ZC3H18: variants seen among roughly 807,000 people sequenced by gnomAD.
ZC3H18 encodes the protein zinc finger CCCH-type containing 18.
In ZC3H18, 8 loss-of-function variants were observed where a neutral mutation model predicts 106.1. That is an observed-to-expected ratio of 0.08 (90% CI 0.04 to 0.14). The LOEUF (loss-of-function observed/expected upper bound fraction) is 0.14, where lower values mean the gene tolerates loss of function less well. ZC3H18 is among the 10% of genes least tolerant of loss of function. ZC3H18 has a pLI of 1.00. For synonymous variants in ZC3H18, 635 were observed against 522.1 expected, an observed-to-expected ratio of 1.22 and a Z score of -2.95; for missense variants, 1,318 against 1,278.4, an observed-to-expected ratio of 1.03 and a Z score of -0.47.
intron 2 of ZC3H18, among the ~76,000 whole-genome samples, chr16:88,585,974 G>A (rs1053900130): frequency 2.0e-5 from 3 of 152,110 alleles, no homozygotes; most frequent in South Asian, 2.1e-4. Flanking sequence ...CTGCACGTCC[G>A]TGGGAACAGG....
At chr16:88,602,076 A>G (rs1465317596) in intron 6 of ZC3H18, among the ~76,000 whole-genome samples, 3 of 152,232 alleles carry the variant, frequency 2.0e-5, no homozygotes, top group African/African-American at 7.2e-5. Context: ...GCTGCACTGC[A>G]AGTGCAGATG....
chr16:88,577,060 T>G, intron 1 of ZC3H18, 50 bp from the exon 2 acceptor site: 2 of 1,499,086 alleles, frequency 1.3e-6, no homozygotes, highest in Non-Finnish European at 1.8e-6. Flanking sequence ...GGGACAAGGT[T>G]TGTTTTCCAT....
chr16:88,580,291 C>T (rs963462255), intron 2 of ZC3H18, among the ~76,000 whole-genome samples: 5 of 151,868 alleles, frequency 3.3e-5, no homozygotes, highest in African/African-American at 9.7e-5. Context: ...GCTGGTTCCC[C>T]TATCTCCCTG....
chr16:88,587,051 G>C (rs1023839783), intron 3 of ZC3H18, among the ~76,000 whole-genome samples: 3 of 152,194 alleles, frequency 2.0e-5, no homozygotes, highest in African/African-American at 7.2e-5. Context: ...ACCAGAATTA[G>C]CATTTTCCCC....
chr16:88,571,882 A>G (rs562236476), intron 1 of ZC3H18, among the ~76,000 whole-genome samples: 61 of 152,366 alleles, frequency 4.0e-4, no homozygotes, highest in African/African-American at 1.3e-3. Context: ...CAGATGTACC[A>G]GAACTTAGGC....
intron 6 of ZC3H18, among the ~76,000 whole-genome samples, chr16:88,602,502 G>A (rs1282591146): frequency 2.0e-5 from 3 of 152,204 alleles, no homozygotes; most frequent in Non-Finnish European, 2.9e-5. Context: ...TTCTTAGCTC[G>A]ACCCCAGGAA....
At position 88,577,228 on chromosome 16, in the gene ZC3H18, T is replaced by A. The variant is rs1914810157; in HGVS notation, c.105T>A (p.Asp35Glu). The A allele has an allele frequency of 6.2e-7, 1 of 1,612,662 alleles. No homozygotes were observed. Among genetic ancestry groups the A allele is most frequent in the Admixed American group, 1.7e-5 (1 of 59,774 alleles). Residue 35 changes from aspartate to glutamate, a missense_variant, in exon 2 of 18, where the codon GAT becomes GAA. Physicochemically the swap from Asp to Glu is conservative, Grantham distance 45 (BLOSUM62 2). Transcript: ENST00000301011. Reference sequence around the variant, plus strand: ...ACATTCTGAGGGACAGCGGGTCCGATCAGGATTTGGACGGGGCGGGGGTGA... The same window carrying A: ...ACATTCTGAGGGACAGCGGGTCCGAACAGGATTTGGACGGGGCGGGGGTGA... Reference protein sequence around the residue: ...DDDILRDSGSDQDLDGAGVRA... With the variant: ...DDDILRDSGSEQDLDGAGVRA...
At chr16:88,625,000 C>G (rs1405148883) in intron 12 of ZC3H18, among the ~76,000 whole-genome samples, 1 of 152,204 alleles carries the variant, frequency 6.6e-6, no homozygotes, top group Non-Finnish European at 1.5e-5. Context: ...CCCGTCTGCA[C>G]TGGAAGGTGC....
At chr16:88,581,334 C>G (rs1597322599) in intron 2 of ZC3H18, among the ~76,000 whole-genome samples, 1 of 152,196 alleles carries the variant, frequency 6.6e-6, no homozygotes. Context: ...TCTCAGGGCA[C>G]ATGTCCCTTT....
At chr16:88,597,152 AC>A (rs1228873866) in intron 3 of ZC3H18, among the ~76,000 whole-genome samples, 1 of 152,168 alleles carries the variant, frequency 6.6e-6, no homozygotes, top group Non-Finnish European at 1.5e-5. Context: ...TGATCTCTTG[AC>A]GTCGTGAGCC....
In ZC3H18 at chr16:88,631,323, G is replaced by A. The variant is rs201559175; in HGVS notation, c.*24G>A. On this transcript the variant is annotated 3_prime_UTR_variant, in exon 18 of 18. Coordinates refer to ENST00000301011, the MANE Select transcript of ZC3H18 (RefSeq NM_144604.4). The stretch of plus-strand genomic sequence containing the variant: ...AGGCCGTGCCCCGACCGGACTGGAC[G>A]CATTTTTATACATAGGGTAAGCGCA... 37 of 1,555,994 alleles carry A rather than the reference G, an allele frequency of 2.4e-5. No individual in the cohort carries two copies. The highest frequency in any genetic ancestry group is 2.9e-5 in the Non-Finnish European group (33 of 1,149,510).
chr16:88,598,101 C>CA (rs1049256734), intron 3 of ZC3H18, 77 bp from the exon 4 acceptor site: 2 of 259,506 alleles, frequency 7.7e-6, no homozygotes, highest in Admixed American at 6.7e-5. Flanking sequence ...TGCCCCCTCC[C>CA]ACCCCCCACC....
chr16:88,585,447 CTGG>C (rs1915378368), intron 2 of ZC3H18, among the ~76,000 whole-genome samples: 1 of 152,342 alleles, frequency 6.6e-6, no homozygotes, highest in Non-Finnish European at 1.5e-5. Context: ...TGGGCCTGCC[CTGG>C]TGGGGCACAG....
intron 8 of ZC3H18, among the ~76,000 whole-genome samples, chr16:88,617,921 T>G (rs1016888196): frequency 2.0e-4 from 31 of 152,242 alleles, no homozygotes; most frequent in African/African-American, 7.5e-4. Context: ...CTGCTGGGAG[T>G]GGGCCAGGCT....
At chr16:88,628,251 C>T (rs1438188304) in intron 15 of ZC3H18, 132 bp downstream of exon 15, 45 of 1,046,038 alleles carry the variant, frequency 4.3e-5, no homozygotes, top group Non-Finnish European at 6.1e-5. Context: ...TCAGCACAGC[C>T]TGGGTAACAA....
At chr16:88,629,576 C>T (rs893030792) in intron 16 of ZC3H18, among the ~76,000 whole-genome samples, 2 of 152,190 alleles carry the variant, frequency 1.3e-5, no homozygotes, top group African/African-American at 2.4e-5. Context: ...GTCTGGCTGA[C>T]GGAAGACGGC....
At position 88,631,443 on chromosome 16, in the gene ZC3H18, C is replaced by T; in HGVS notation, c.*144C>T. Reference sequence around the variant, plus strand: ...AAAGTTTCTCAGCTGGAAAAGAAGCCACACAGGAAATGACAACGACGCTGA... The same window carrying T: ...AAAGTTTCTCAGCTGGAAAAGAAGCTACACAGGAAATGACAACGACGCTGA... On this transcript the variant is annotated 3_prime_UTR_variant, in exon 18 of 18. Transcript: ENST00000301011. 4 of 1,177,346 alleles carry T rather than the reference C, an allele frequency of 3.4e-6. No individual in the cohort carries two copies. The highest frequency in any genetic ancestry group is 2.4e-5 in the Admixed American group (1 of 42,494). The allele number at this position is 1,177,346 out of a possible 1,614,324, so 72.9% of individuals were successfully genotyped here.
At chr16:88,616,050 G>A (rs561516276) in intron 8 of ZC3H18, among the ~76,000 whole-genome samples, 4 of 152,250 alleles carry the variant, frequency 2.6e-5, no homozygotes, top group Non-Finnish European at 5.9e-5. Context: ...AGCGGGTGAC[G>A]GATCCCAGGA....
intron 2 of ZC3H18, among the ~76,000 whole-genome samples, chr16:88,583,442 T>C (rs551295708): frequency 6.6e-6 from 1 of 152,334 alleles, no homozygotes; most frequent in South Asian, 2.1e-4. Flanking sequence ...TCTGGGGCAC[T>C]TGCCCCGTGG....
Sources: gnomAD v4.1 joint callset for allele counts (sites outside exome capture counted in the v4.1 genomes callset) on GRCh38, gnomAD v4.1.1 for gene constraint, MANE v1.5 for transcripts, NCBI Gene and HGNC (gene_info 2026-07-23, HGNC 2026-07-21) for gene names.